SUMO2: variants seen among roughly 807,000 people sequenced by gnomAD.
SUMO2 encodes small ubiquitin like modifier 2, also known as small ubiquitin-related modifier 2.
A neutral mutation model predicts 16.0 loss-of-function variants in SUMO2; 1 was observed. That is an observed-to-expected ratio of 0.06 (90% CI 0.02 to 0.30). SUMO2 has a LOEUF of 0.30. Among genes scored for constraint, SUMO2 ranks in the 10% least tolerant of loss-of-function variants. The pLI, the probability that SUMO2 is intolerant of heterozygous loss-of-function variation, is 1.00. For missense variants in SUMO2, 16 were observed against 117.5 expected, an observed-to-expected ratio of 0.14 and a Z score of 3.99; for synonymous variants, 36 against 40.6, an observed-to-expected ratio of 0.89 and a Z score of 0.43.
intron 2 of SUMO2, among the ~76,000 whole-genome samples, chr17:75,180,421 A>AAAAAC (rs58402695): frequency 7.2e-6 from 1 of 139,320 alleles, no homozygotes; most frequent in African/African-American, 3.0e-5. Context: ...AAAAAAAAAA[A>AAAAAC]CGACTTCTTG....
At chr17:75,176,376 T>C (rs963704792) in intron 2 of SUMO2, among the ~76,000 whole-genome samples, 35 of 151,996 alleles carry the variant, frequency 2.3e-4, no homozygotes, top group African/African-American at 8.5e-4. Context: ...TTCCAACACT[T>C]TAGGAGACCA....
At chr17:75,180,384 T>C in intron 2 of SUMO2, among the ~76,000 whole-genome samples, 1 of 72,854 alleles carries the variant, frequency 1.4e-5, no homozygotes, top group African/African-American at 5.6e-5. Flanking sequence ...AGAGTGAGAC[T>C]CCCAGCTTAA....
intron 2 of SUMO2, among the ~76,000 whole-genome samples, chr17:75,180,479 G>C (rs1052152293): frequency 1.4e-5 from 2 of 143,710 alleles, no homozygotes; most frequent in Admixed American, 1.4e-4. Flanking sequence ...TTGGAAGGCC[G>C]AGGCGGGCGG....
At chr17:75,172,879 C>T (rs2074752842) in intron 3 of SUMO2, among the ~76,000 whole-genome samples, 1 of 152,158 alleles carries the variant, frequency 6.6e-6, no homozygotes, top group African/African-American at 2.4e-5. Context: ...CCTCAGCCTC[C>T]TGAAGTGCTA....
At chr17:75,176,509 G>A (rs1311221863) in intron 2 of SUMO2, among the ~76,000 whole-genome samples, 4 of 151,966 alleles carry the variant, frequency 2.6e-5, no homozygotes, top group South Asian at 2.1e-4. Flanking sequence ...CCAGCTATTC[G>A]GGAGGCTGAG....
At position 75,174,711 on chromosome 17, in the gene SUMO2, T is replaced by C. The variant is rs372116798; in HGVS notation, c.225+41A>G. 5.1e-6 allele frequency: 8 copies of C among 1,574,034 alleles called. No individual in the cohort carries two copies. In the African/African-American group the frequency reaches 1.1e-4, roughly 21 times the overall value. On this transcript the variant is annotated intron_variant, in intron 3 of 3. Transcript: ENST00000420826. ...TTCATAAACACAGCTGTTCAAAGAA[T>C]TACAAATGGTAATTTTTCTAATTAG...
chr17:75,179,527 CAA>C (rs35348154), intron 2 of SUMO2, among the ~76,000 whole-genome samples: 6,659 of 97,082 alleles, frequency 0.069, 378 homozygotes, highest in African/African-American at 0.22. Flanking sequence ...GACTCTGTCT[CAA>C]AAAAAAAAAA....
chr17:75,179,069 T>C (rs2074806480), intron 2 of SUMO2, among the ~76,000 whole-genome samples: 1 of 152,192 alleles, frequency 6.6e-6, no homozygotes, highest in Non-Finnish European at 1.5e-5. Context: ...TTCTATTTTG[T>C]ATGCAGTTTT....
chr17:75,175,736 G>A (rs886520777), intron 2 of SUMO2, among the ~76,000 whole-genome samples: 1 of 151,144 alleles, frequency 6.6e-6, no homozygotes, highest in Non-Finnish European at 1.5e-5. Context: ...GGGTTCGAGT[G>A]GTTCTCCTGC....
Position 75,174,767 on chromosome 17 carries a change from T to C in SUMO2, c.210A>G (p.Thr70=). ...ATTTTTTTACCTGTGCAGGTGTGTC[T>C]GTTTCATTGATTGGTTGCCCGTCAA... The part of the protein sequence containing the change: ...FRFDGQPINE[T]DTPAQLEMED... The change falls in exon 3 of 4, where the codon ACA becomes ACG. Residue 70 remains threonine (T), a synonymous_variant. Transcript: ENST00000420826. 1 of 1,613,962 alleles carries C rather than the reference T, an allele frequency of 6.2e-7. No individual in the cohort carries two copies. Among genetic ancestry groups the C allele is most frequent in the Non-Finnish European group, 8.5e-7 (1 of 1,179,934 alleles).
intron 3 of SUMO2, among the ~76,000 whole-genome samples, chr17:75,170,409 A>G (rs1331587794): frequency 6.6e-6 from 1 of 151,522 alleles, no homozygotes; most frequent in Non-Finnish European, 1.5e-5. Flanking sequence ...GTTTCTACCA[A>G]AAATACAAAA....
chr17:75,170,729 A>C (rs1168120368), intron 3 of SUMO2, among the ~76,000 whole-genome samples: 1 of 151,750 alleles, frequency 6.6e-6, no homozygotes, highest in Non-Finnish European at 1.5e-5. Flanking sequence ...AGGTGCCTGT[A>C]ATCCCAGCCA....
rs998937523 is a variant in SUMO2, at chr17:75,177,184, A to T, written c.154-2361T>A. ...AGACTCTTGTCTCAAAAAAAAAAAA[A>T]AATTAATTAATTAAATAAATAAAAA... On this transcript the variant is annotated intron_variant, in intron 2 of 3. Coordinates refer to ENST00000420826, the MANE Select transcript of SUMO2 (RefSeq NM_006937.4). Among the ~76,000 whole-genome samples, 8 of 151,382 alleles carry T rather than the reference A, an allele frequency of 5.3e-5. No homozygotes were observed. The East Asian group carries it at 7.7e-4, about 15-fold the overall frequency.
Position 75,182,829 on chromosome 17 carries a change from G to C in SUMO2, c.6C>G (p.Ala2=). M[A]DEKPKEGVKT... ...GCGAGCTCACCTTGGGCTTTTCGTCGGCCATGGCGAGCGCCGGAGTCTCCT... is the reference window on the plus strand; with the variant it reads ...GCGAGCTCACCTTGGGCTTTTCGTCCGCCATGGCGAGCGCCGGAGTCTCCT... The change falls in exon 1 of 4, where the codon GCC becomes GCG. Residue 2 remains alanine, a synonymous_variant. Transcript: ENST00000420826. 1 of 1,410,132 alleles carries C rather than the reference G, an allele frequency of 7.1e-7. No individual in the cohort carries two copies. Among genetic ancestry groups the C allele is most frequent in the Non-Finnish European group, 9.3e-7 (1 of 1,075,028 alleles). The allele number at this position is 1,410,132 out of a possible 1,614,324, so 87.4% of individuals were successfully genotyped here.
intron 3 of SUMO2, among the ~76,000 whole-genome samples, chr17:75,171,785 A>G (rs2074740781): frequency 6.6e-6 from 1 of 152,124 alleles, no homozygotes; most frequent in South Asian, 2.1e-4. Flanking sequence ...AGGAGGGCTT[A>G]AAGACAGGAA....
At chr17:75,174,644 G>T in intron 3 of SUMO2, 108 bp downstream of exon 3, 1 of 1,001,874 alleles carries the variant, frequency 1.0e-6, no homozygotes, top group Non-Finnish European at 1.5e-6. Context: ...CCAAAGCTCT[G>T]AACTCTACAA....
At chr17:75,174,696 C>T (rs1411258157) in intron 3 of SUMO2, 56 bp downstream of exon 3, 3 of 1,507,720 alleles carry the variant, frequency 2.0e-6, no homozygotes, top group Non-Finnish European at 2.7e-6. Flanking sequence ...TTCATAAACA[C>T]AGCTGTTCAA....
At chr17:75,179,728 T>C (rs1238612517) in intron 2 of SUMO2, among the ~76,000 whole-genome samples, 1 of 151,864 alleles carries the variant, frequency 6.6e-6, no homozygotes, top group Non-Finnish European at 1.5e-5. Flanking sequence ...GGTGTGATCT[T>C]GGCTCACTGC....
In SUMO2 at chr17:75,166,967, T is replaced by A. The variant is rs2074697811; in HGVS notation, c.*1372A>T. 1 of 151,610 alleles carries A rather than the reference T, an allele frequency of 6.6e-6. No homozygotes were observed. The highest frequency in any genetic ancestry group is 1.5e-5 in the Non-Finnish European group (1 of 67,962). The allele number at this position is 151,610 out of a possible 1,614,324, so 9.4% of individuals were successfully genotyped here. A position where few individuals can be genotyped will look rare whatever the true frequency, so the allele number is the denominator to read the frequency against. On this transcript the variant is annotated 3_prime_UTR_variant, in exon 4 of 4. Transcript: ENST00000420826. ...AAAATTAAAATAATAAAGACTGTAGTGACCTGTATATTTAAGGTTCTGAGG... is the reference window on the plus strand; with the variant it reads ...AAAATTAAAATAATAAAGACTGTAGAGACCTGTATATTTAAGGTTCTGAGG...
Sources: gnomAD v4.1 joint callset for allele counts (sites outside exome capture counted in the v4.1 genomes callset) on GRCh38, gnomAD v4.1.1 for gene constraint, MANE v1.5 for transcripts, NCBI Gene and HGNC (gene_info 2026-07-23, HGNC 2026-07-21) for gene names.